Variants in LINGO1 observed in about 807,000 individuals in gnomAD.
LINGO1 encodes the protein leucine rich repeat and Ig domain containing 1, also known as leucine-rich repeat and immunoglobulin-like domain-containing nogo receptor-interacting protein 1.
In LINGO1, 11 loss-of-function variants were observed where a neutral mutation model predicts 37.3. That is an observed-to-expected ratio of 0.29 (90% confidence interval 0.19 to 0.49). The LOEUF (loss-of-function observed/expected upper bound fraction) is 0.49. Ranked by LOEUF, LINGO1 falls within the 20% of genes least tolerant of loss-of-function variation. LINGO1 has a pLI of 0.99. For synonymous variants in LINGO1, 387 were observed against 403.0 expected (o/e 0.96, Z 0.48); for missense variants, 585 against 878.2 (o/e 0.67, Z 4.22).
At chr15:77,648,263 G>A (rs74025343) in intron 3 of LINGO1, 12,398 of 206,614 alleles carry the variant, frequency 0.06, 1,568 homozygotes, top group African/African-American at 0.27. Context: ...CTTCACATGC[G>A]GTGAACCTGT....
intron 3 of LINGO1, chr15:77,646,192 G>A: frequency 4.1e-6 from 1 of 245,368 alleles, no homozygotes; most frequent in South Asian, 4.4e-5. Context: ...AAAATAGTCA[G>A]TAAAGGCACC....
chr15:77,640,674 A>G (rs2074483440), intron 3 of LINGO1, among the ~76,000 whole-genome samples: 1 of 152,078 alleles, frequency 6.6e-6, no homozygotes, highest in African/African-American at 2.4e-5. Context: ...CTTGGTGCCC[A>G]CTGGGGAATC....
chr15:77,797,326 A>G (rs745352070), intron 1 of LINGO1, among the ~76,000 whole-genome samples: 1 of 152,248 alleles, frequency 6.6e-6, no homozygotes, highest in African/African-American at 2.4e-5. Context: ...TAGGAGACAC[A>G]TGCTTCTGGG....
intron 1 of LINGO1, among the ~76,000 whole-genome samples, chr15:77,761,366 G>C (rs767437710): frequency 1.6e-4 from 24 of 152,222 alleles, no homozygotes; most frequent in Non-Finnish European, 3.2e-4. Context: ...CAGCAGCCCA[G>C]TCCACAGGCA....
chr15:77,782,277 G>C (rs888132352), intron 1 of LINGO1, among the ~76,000 whole-genome samples: 3 of 152,048 alleles, frequency 2.0e-5, no homozygotes, highest in Non-Finnish European at 4.4e-5. Context: ...GTCAGCAGGA[G>C]GTGGCTCTAG....
chr15:77,802,146 G>A (rs2076924718), intron 1 of LINGO1, among the ~76,000 whole-genome samples: 1 of 152,120 alleles, frequency 6.6e-6, no homozygotes, highest in South Asian at 2.1e-4. Flanking sequence ...TGGGGTGCGT[G>A]GAGGTGACTG....
chr15:77,806,520 A>G (rs2076961111), intron 1 of LINGO1, among the ~76,000 whole-genome samples: 1 of 152,086 alleles, frequency 6.6e-6, no homozygotes, highest in South Asian at 2.1e-4. Flanking sequence ...TCCACAGGGG[A>G]TGGGCATCCT....
At chr15:77,762,082 T>C (rs562848396) in intron 1 of LINGO1, among the ~76,000 whole-genome samples, 1 of 152,188 alleles carries the variant, frequency 6.6e-6, no homozygotes, top group African/African-American at 2.4e-5. Context: ...CCTGGCAGGT[T>C]TGGCTGCAGC....
intron 1 of LINGO1, among the ~76,000 whole-genome samples, chr15:77,755,682 G>A (rs1003273937): frequency 6.6e-6 from 1 of 152,082 alleles, no homozygotes; most frequent in African/African-American, 2.4e-5. Context: ...CTCCATAACC[G>A]GACCCCCACC....
upstream of LINGO1, among the ~76,000 whole-genome samples, chr15:77,637,436 C>T (rs541249591): frequency 6.6e-6 from 1 of 152,210 alleles, no homozygotes; most frequent in African/African-American, 2.4e-5. This position sits in a 1 kb window ranked among gnomAD's most constrained non-coding sequence, Gnocchi z 4.6. Flanking sequence ...CTGTGTGTCC[C>T]CCTCCTTCCA....
chr15:77,674,414 C>A (rs1226847932), intron 3 of LINGO1, among the ~76,000 whole-genome samples: 1 of 152,224 alleles, frequency 6.6e-6, no homozygotes, highest in Non-Finnish European at 1.5e-5. Context: ...TACGCAGAAC[C>A]TTCCATGGCT....
intron 1 of LINGO1, among the ~76,000 whole-genome samples, chr15:77,803,436 C>G (rs574135296): frequency 1.3e-5 from 2 of 151,676 alleles, no homozygotes; most frequent in South Asian, 2.1e-4. Flanking sequence ...CAGAGCGAGA[C>G]CCCATCTCCA....
At chr15:77,732,440 A>C (rs935546932) in intron 2 of LINGO1, among the ~76,000 whole-genome samples, 1 of 152,252 alleles carries the variant, frequency 6.6e-6, no homozygotes, top group Non-Finnish European at 1.5e-5. Flanking sequence ...AGGTAGCGCT[A>C]GCTTGCGTCC....
intron 1 of LINGO1, among the ~76,000 whole-genome samples, chr15:77,616,360 G>A (rs1382362615): frequency 1.3e-5 from 2 of 152,188 alleles, no homozygotes; most frequent in Non-Finnish European, 2.9e-5. Context: ...CCAAGAAGCC[G>A]GAGCAGAGCA....
chr15:77,794,732 C>T (rs1001811295), intron 2 of LINGO1, among the ~76,000 whole-genome samples: 24 of 151,596 alleles, frequency 1.6e-4, no homozygotes, highest in African/African-American at 4.6e-4. Context: ...GGACTACAGG[C>T]GCCCGCCACC....
chr15:77,680,110 G>A (rs560701544), intron 2 of LINGO1, among the ~76,000 whole-genome samples: 1 of 152,326 alleles, frequency 6.6e-6, no homozygotes, highest in South Asian at 2.1e-4. Context: ...GCCCGTGCGT[G>A]ACCTCATCAT....
At chr15:77,656,102 G>A (rs1648109242) in intron 3 of LINGO1, among the ~76,000 whole-genome samples, 1 of 152,238 alleles carries the variant, frequency 6.6e-6, no homozygotes, top group Admixed American at 6.5e-5. Flanking sequence ...AGGGGTGACA[G>A]TAAGGAACCC....
chr15:77,758,204 C>G (rs921589610), intron 1 of LINGO1, among the ~76,000 whole-genome samples: 3 of 152,152 alleles, frequency 2.0e-5, no homozygotes, highest in African/African-American at 7.2e-5. Context: ...GGGGTCTTAG[C>G]CAGGCTCCCC....
At chr15:77,655,149 G>A (rs1051941532) in intron 3 of LINGO1, among the ~76,000 whole-genome samples, 2 of 152,324 alleles carry the variant, frequency 1.3e-5, no homozygotes, top group Middle Eastern at 3.4e-3. Context: ...CGCAGTGCTG[G>A]CCTCTCTTCA....
Sources: gnomAD v4.1 joint callset for allele counts (sites outside exome capture counted in the v4.1 genomes callset) on GRCh38, gnomAD v4.1.1 for gene constraint, Gnocchi (gnomAD v3.1) non-coding constraint, MANE v1.5 for transcripts, NCBI Gene and HGNC (gene_info 2026-07-23, HGNC 2026-07-21) for gene names.